Variants in MCF2L observed in about 807,000 individuals in gnomAD.
MCF2L encodes the protein guanine nucleotide exchange factor DBS.
Under a neutral mutation model 153.4 loss-of-function variants are expected in MCF2L, and 97 were observed. That is an observed-to-expected ratio of 0.63 (90% CI 0.54 to 0.75). The LOEUF is 0.75. Ranked by LOEUF, MCF2L falls within the 30% of genes least tolerant of loss-of-function variation. The probability of loss-of-function intolerance (pLI) is 0.00; values close to 1 mark genes in which losing one functional copy is unlikely to be tolerated. For synonymous variants in MCF2L, 659 were observed against 632.2 expected (o/e 1.04, Z -0.64); for missense variants, 1,347 against 1,495.2 (o/e 0.90, Z 1.64).
intron 2 of MCF2L, among the ~76,000 whole-genome samples, chr13:112,940,765 A>G (rs947398295): frequency 1.3e-5 from 2 of 152,188 alleles, no homozygotes; most frequent in Non-Finnish European, 2.9e-5. Flanking sequence ...CACTGTGCAC[A>G]TATTTGTATA....
intron 4 of MCF2L, among the ~76,000 whole-genome samples, chr13:113,057,034 G>A (rs1342040842): frequency 7.1e-6 from 1 of 141,432 alleles, no homozygotes; most frequent in Admixed American, 7.0e-5. Context: ...TGGGCACTGA[G>A]TGGGCGCTGA....
At position 112,993,151 on chromosome 13, in the gene MCF2L, G is replaced by C. The variant is rs1000618866; in HGVS notation, c.80-21612G>C. Reference sequence around the variant, plus strand: ...GGAGGGAGAGGTAGCGCGGGGCATGGGGAGGCCACAGAGAGGCTGTACTGA... The same window carrying C: ...GGAGGGAGAGGTAGCGCGGGGCATGCGGAGGCCACAGAGAGGCTGTACTGA... On this transcript the variant is annotated intron_variant, in intron 1 of 29. Coordinates refer to ENST00000535094, the MANE Select transcript of MCF2L (RefSeq NM_001112732.3). The surrounding 1 kb of genome is among the most constrained non-coding windows in gnomAD (Gnocchi z 4.6). Among the ~76,000 whole-genome samples the C allele has an allele frequency of 6.6e-6, 1 of 152,246 alleles. No individual in the cohort carries two copies. The highest frequency in any genetic ancestry group is 1.5e-5 in the Non-Finnish European group (1 of 68,052).
At chr13:112,914,967 C>T (rs989970629) in intron 2 of MCF2L, among the ~76,000 whole-genome samples, 2 of 151,730 alleles carry the variant, frequency 1.3e-5, no homozygotes, top group African/African-American at 4.8e-5. Flanking sequence ...TCTTCCTATT[C>T]TGAGGTTATA....
At chr13:113,049,112 A>G (rs200208801) in intron 4 of MCF2L, among the ~76,000 whole-genome samples, 1 of 39,250 alleles carries the variant, frequency 2.5e-5, no homozygotes, top group Non-Finnish European at 5.5e-5. Context: ...ATGATGGTGG[A>G]CATTGGATGG....
At chr13:112,898,383 C>A (rs925335234) in intron 1 of MCF2L, among the ~76,000 whole-genome samples, 3 of 152,164 alleles carry the variant, frequency 2.0e-5, no homozygotes, top group Non-Finnish European at 4.4e-5. Flanking sequence ...TCGCTTGGAA[C>A]CTGTGTGCGG....
chr13:113,005,302 T>C (rs1350623273), intron 1 of MCF2L, among the ~76,000 whole-genome samples: 1 of 151,994 alleles, frequency 6.6e-6, no homozygotes, highest in African/African-American at 2.4e-5. Flanking sequence ...TCGTGTGGGG[T>C]GTCAGAGACG....
intron 2 of MCF2L, among the ~76,000 whole-genome samples, chr13:112,913,952 C>T (rs573482357): frequency 2.0e-5 from 3 of 152,274 alleles, no homozygotes; most frequent in South Asian, 2.1e-4. Context: ...TCCATCAGCC[C>T]CCCAATGCCT....
chr13:113,087,085 GTC>G, intron 21 of MCF2L, 148 bp from the exon 22 acceptor site: 1 of 645,446 alleles, frequency 1.5e-6, no homozygotes, highest in Non-Finnish European at 2.7e-6. Flanking sequence ...TGACCTGTCA[GTC>G]TCCACGAGCT....
chr13:112,895,336 G>A (rs1262318481), intron 1 of MCF2L, among the ~76,000 whole-genome samples: 1 of 152,200 alleles, frequency 6.6e-6, no homozygotes, highest in Non-Finnish European at 1.5e-5. Context: ...GGCAGGATGT[G>A]CCGGCATGGC....
intron 2 of MCF2L, among the ~76,000 whole-genome samples, chr13:112,958,523 C>T (rs1382433317): frequency 2.0e-5 from 3 of 152,166 alleles, no homozygotes; most frequent in Admixed American, 6.5e-5. Context: ...GACTGGGTGG[C>T]GGGGGCTGGG....
intron 21 of MCF2L, 43 bp from the exon 22 acceptor site, chr13:113,087,191 AG>A (rs755512726): frequency 1.3e-5 from 20 of 1,528,758 alleles, no homozygotes. Context: ...CCATGGCCCC[AG>A]GCCCATCCCG....
intron 1 of MCF2L, among the ~76,000 whole-genome samples, chr13:112,991,533 C>T (rs1364605065): frequency 6.6e-6 from 1 of 152,156 alleles, no homozygotes; most frequent in Non-Finnish European, 1.5e-5. Flanking sequence ...TAAAGTGTGA[C>T]TTCATTAGAA....
intron 4 of MCF2L, among the ~76,000 whole-genome samples, chr13:113,049,126 A>C (rs2087035189): frequency 6.6e-6 from 1 of 152,234 alleles, no homozygotes; most frequent in African/African-American, 2.4e-5. Flanking sequence ...TGGATGGGCC[A>C]GGAGACATGG....
rs1486176314 is a variant in MCF2L, at chr13:113,065,064, A to G, written c.735A>G (p.Thr245=). ...CAAGCTCAGTGCTGTGTGCGCACACAGAGAAGAAGGACAAGGCGAAGGTAC... is the reference window on the plus strand; with the variant it reads ...CAAGCTCAGTGCTGTGTGCGCACACGGAGAAGAAGGACAAGGCGAAGGTAC... ...QSTSSVLCAH[T]EKKDKAKEDL... The change falls in exon 7 of 30, where the codon ACA becomes ACG. Residue 245 remains threonine (T), a synonymous_variant. Coordinates refer to ENST00000535094, the MANE Select transcript of MCF2L (RefSeq NM_001112732.3). The G allele has an allele frequency of 8.1e-6, 13 of 1,608,906 alleles. No homozygotes were observed. Among genetic ancestry groups the G allele is most frequent in the Non-Finnish European group, 9.3e-6 (11 of 1,179,102 alleles).
intron 2 of MCF2L, among the ~76,000 whole-genome samples, chr13:113,023,901 C>T (rs2085062416): frequency 1.3e-5 from 2 of 152,214 alleles, no homozygotes; most frequent in South Asian, 4.1e-4. Context: ...GTCGTGGGAC[C>T]ACCTGCCCAA....
chr13:112,997,691 G>A (rs1467357996), intron 1 of MCF2L, among the ~76,000 whole-genome samples: 1 of 152,198 alleles, frequency 6.6e-6, no homozygotes, highest in African/African-American at 2.4e-5. Context: ...CATCCAGGTC[G>A]GTCACCCCAC....
At position 113,096,469 on chromosome 13, in the gene MCF2L, C is replaced by T. The variant is rs1280251093; in HGVS notation, c.3174C>T (p.Gly1058=). 3.8e-6 allele frequency: 6 copies of T among 1,587,602 alleles called. No homozygotes were observed. Among genetic ancestry groups the T allele is most frequent in the Middle Eastern group, 3.5e-4 (2 of 5,668 alleles). ...SGDVVELVQE[G]DEGLWYVRDP... is the part of the protein sequence containing the mutation. ...ACGTGGTGGAGCTGGTGCAGGAGGG[C>T]GACGAGGGCCTCTGGTAAGACCCCG... Residue 1058 remains glycine (G), a synonymous_variant, in exon 28 of 30, where the codon GGC becomes GGT. Coordinates refer to ENST00000535094, the MANE Select transcript of MCF2L (RefSeq NM_001112732.3).
chr13:113,018,838 G>A (rs979232921), intron 2 of MCF2L, among the ~76,000 whole-genome samples: 5 of 152,208 alleles, frequency 3.3e-5, no homozygotes, highest in South Asian at 2.1e-4. Context: ...TGCAATGGAC[G>A]GCGGCCCCCC....
At chr13:113,058,010 G>A (rs937660795) in intron 4 of MCF2L, among the ~76,000 whole-genome samples, 6 of 148,510 alleles carry the variant, frequency 4.0e-5, no homozygotes, top group Non-Finnish European at 8.9e-5. Flanking sequence ...TGGGCTCTGA[G>A]TGTTTGGACA....
Sources: gnomAD v4.1 joint callset for allele counts (sites outside exome capture counted in the v4.1 genomes callset) on GRCh38, gnomAD v4.1.1 for gene constraint, Gnocchi (gnomAD v3.1) non-coding constraint, MANE v1.5 for transcripts, NCBI Gene and HGNC (gene_info 2026-07-23, HGNC 2026-07-21) for gene names.